Variants in ARL15 observed in about 807,000 individuals in gnomAD.
ARL15 encodes ADP-ribosylation factor-like protein 15.
Under a neutral mutation model 25.2 loss-of-function variants are expected in ARL15, and 19 were observed. That is an observed-to-expected ratio of 0.75 (90% CI 0.53 to 1.10). The LOEUF is 1.10. ARL15 is among the 50% of genes least tolerant of loss of function. The pLI is 0.00. For missense variants in ARL15, 220 were observed against 246.0 expected (o/e 0.89, Z 0.71); for synonymous variants, 94 against 86.8 (o/e 1.08, Z -0.46).
chr5:54,145,598 T>A (rs1231061596), intron 3 of ARL15, among the ~76,000 whole-genome samples: 1 of 151,922 alleles, frequency 6.6e-6, no homozygotes, highest in Admixed American at 6.6e-5. Context: ...AAAGAAACAG[T>A]CTCAGAGGAT....
intron 4 of ARL15, among the ~76,000 whole-genome samples, chr5:54,074,495 C>G (rs1751528373): frequency 6.6e-6 from 1 of 152,120 alleles, no homozygotes; most frequent in South Asian, 2.1e-4. Flanking sequence ...AGATAAGATC[C>G]TAAGAGGAAA....
At chr5:54,280,807 A>G (rs1218840666) in intron 1 of ARL15, among the ~76,000 whole-genome samples, 2 of 152,178 alleles carry the variant, frequency 1.3e-5, no homozygotes, top group Admixed American at 6.5e-5. Flanking sequence ...ATTTCCATCT[A>G]GAGTCTCCAA....
At chr5:53,889,109 G>A (rs964674216) in intron 4 of ARL15, among the ~76,000 whole-genome samples, 6 of 151,906 alleles carry the variant, frequency 3.9e-5, no homozygotes, top group African/African-American at 1.5e-4. Context: ...AAGAGGGCTG[G>A]TCACAAGAAA....
At chr5:53,994,973 T>C (rs1748622265) in intron 4 of ARL15, among the ~76,000 whole-genome samples, 1 of 152,068 alleles carries the variant, frequency 6.6e-6, no homozygotes, top group South Asian at 2.1e-4. Context: ...CCGTACCTGG[T>C]CTAAACATCT....
rs1302522823 is a variant in ARL15 at position 54,155,157 on chromosome 5, G to A, written c.194-518C>T. On this transcript the variant is annotated intron_variant, in intron 2 of 4. Coordinates refer to ENST00000504924, the MANE Select transcript of ARL15 (RefSeq NM_019087.3). The stretch of plus-strand genomic sequence containing the variant: ...ACAAACAAGCAAAAAACATAGTTGT[G>A]TATTACGGCAATATATAACACTATC... 2.0e-5 allele frequency among the ~76,000 whole-genome samples: 3 copies of A among 152,008 alleles called. No individual in the cohort carries two copies. In the East Asian group the frequency reaches 5.8e-4, roughly 29 times the overall value.
chr5:54,266,843 A>C (rs1049393634), intron 1 of ARL15, among the ~76,000 whole-genome samples: 1 of 152,246 alleles, frequency 6.6e-6, no homozygotes, highest in East Asian at 1.9e-4. Flanking sequence ...CAGCAATAGA[A>C]GATGACCCAA....
intron 1 of ARL15, among the ~76,000 whole-genome samples, chr5:54,196,959 G>C (rs1755566062): frequency 6.6e-6 from 1 of 151,864 alleles, no homozygotes; most frequent in Non-Finnish European, 1.5e-5. Flanking sequence ...TCACAATAAA[G>C]GATGAAAACT....
At chr5:54,302,930 A>G (rs1758652264) in intron 1 of ARL15, among the ~76,000 whole-genome samples, 1 of 152,026 alleles carries the variant, frequency 6.6e-6, no homozygotes, top group Admixed American at 6.5e-5. Context: ...CCACAACATA[A>G]CACAGGGGGC....
chr5:54,179,658 C>G (rs963976716), intron 1 of ARL15, among the ~76,000 whole-genome samples: 1 of 152,056 alleles, frequency 6.6e-6, no homozygotes, highest in African/African-American at 2.4e-5. Context: ...TGGCTTCTCT[C>G]TTTCACACTG....
At chr5:54,185,437 C>T (rs993869655) in intron 1 of ARL15, among the ~76,000 whole-genome samples, 2 of 152,300 alleles carry the variant, frequency 1.3e-5, no homozygotes, top group Non-Finnish European at 2.9e-5. Flanking sequence ...ATCATTCTGT[C>T]AAGTACAGTT....
chr5:54,165,114 C>T (rs1233615514), intron 2 of ARL15, among the ~76,000 whole-genome samples: 2 of 152,034 alleles, frequency 1.3e-5, no homozygotes, highest in African/African-American at 2.4e-5. Context: ...ACATATAGTA[C>T]AAGAATCTTC....
chr5:54,181,375 C>A (rs576721817), intron 1 of ARL15, among the ~76,000 whole-genome samples: 10 of 152,292 alleles, frequency 6.6e-5, no homozygotes, highest in African/African-American at 2.4e-4. Flanking sequence ...TATTCATAAA[C>A]ATCTCCAAAT....
At chr5:54,067,849 C>T (rs1253184899) in intron 4 of ARL15, among the ~76,000 whole-genome samples, 1 of 152,158 alleles carries the variant, frequency 6.6e-6, no homozygotes, top group Non-Finnish European at 1.5e-5. Context: ...TATTTCAGTT[C>T]CCTTTCTCCT....
At chr5:53,911,107 G>C (rs185427539) in intron 4 of ARL15, among the ~76,000 whole-genome samples, 2 of 152,050 alleles carry the variant, frequency 1.3e-5, no homozygotes, top group African/African-American at 4.8e-5. Context: ...ACCAATATTC[G>C]ATCATTCTTA....
rs1758869405 is a variant in ARL15, at chr5:54,310,503, C to T, written c.-24G>A. 6.3e-7 allele frequency: 1 copy of T among 1,589,514 alleles called. No individual in the cohort carries two copies. Among genetic ancestry groups the T allele is most frequent in the Non-Finnish European group, 8.6e-7 (1 of 1,168,824 alleles). ...ATCCGGCAGCCTAAAGCATCCGGAA[C>T]GGCTCCGAACCCGGAAAAAAAAAGC... On this transcript the variant is annotated 5_prime_UTR_variant, in exon 1 of 5. Coordinates refer to ENST00000504924, the MANE Select transcript of ARL15 (RefSeq NM_019087.3).
At chr5:54,093,691 TAA>T (rs11450435) in intron 4 of ARL15, among the ~76,000 whole-genome samples, 14 of 142,552 alleles carry the variant, frequency 9.8e-5, no homozygotes, top group Admixed American at 2.1e-4. Context: ...CATTTAAAGT[TAA>T]AAAAAAAAAA....
chr5:54,048,379 TATATATATATAAA>T (rs1299467385), intron 4 of ARL15: 3 of 125,276 alleles, frequency 2.4e-5, no homozygotes, highest in African/African-American at 1.1e-4. Context: ...ATTTATAAAT[TATATATATATAAA>T]TTATATATAT....
chr5:53,977,561 T>C (rs1261916406), intron 4 of ARL15, among the ~76,000 whole-genome samples: 1 of 152,130 alleles, frequency 6.6e-6, no homozygotes, highest in African/African-American at 2.4e-5. Flanking sequence ...TTTTATGGAA[T>C]ATAGATCAAT....
chr5:53,956,459 T>C lies in ARL15; in HGVS notation c.463-69746A>G, dbSNP rs368808874. On this transcript the variant is annotated intron_variant, in intron 4 of 4. Transcript: ENST00000504924. ...ACAAAAGACCATACTTCCTCTTTCT[T>C]TGCATGCCTTATATATTTTTCACAA... Among the ~76,000 whole-genome samples the C allele has an allele frequency of 8.2e-4, 123 of 149,274 alleles. 2 individuals are homozygous for C. Among genetic ancestry groups the C allele is most frequent in the African/African-American group, 2.8e-3 (115 of 41,090 alleles).
Sources: allele counts gnomAD v4.1 joint callset (sites outside exome capture counted in the v4.1 genomes callset), GRCh38; gene constraint gnomAD v4.1.1; transcripts MANE v1.5; gene names NCBI Gene and HGNC (gene_info 2026-07-23, HGNC 2026-07-21).